The following TAOK3 variants were observed in gnomAD, a reference collection of about 807,000 sequenced individuals.
TAOK3 encodes the protein serine/threonine-protein kinase TAO3.
A neutral mutation model predicts 120.4 loss-of-function variants in TAOK3; 40 were observed. The observed-to-expected ratio is 0.33, with a 90% CI of 0.26 to 0.43. The LOEUF (loss-of-function observed/expected upper bound fraction) is 0.43, where lower values mean the gene tolerates loss of function less well. TAOK3 is among the 20% of genes least tolerant of loss of function. The probability of loss-of-function intolerance (pLI) is 1.00; values close to 1 mark genes in which losing one functional copy is unlikely to be tolerated. For synonymous variants in TAOK3, 355 were observed against 387.5 expected (o/e 0.92, Z 0.99); for missense variants, 821 against 1,112.1 (o/e 0.74, Z 3.72).
intron 1 of TAOK3, among the ~76,000 whole-genome samples, chr12:118,280,479 G>A (rs1186969010): frequency 2.0e-5 from 3 of 152,118 alleles, no homozygotes; most frequent in Non-Finnish European, 4.4e-5. Context: ...TGTTTCTGTC[G>A]ACTTGGTCAA....
intron 1 of TAOK3, among the ~76,000 whole-genome samples, chr12:118,277,338 TCATTTG>T: frequency 6.6e-6 from 1 of 152,164 alleles, no homozygotes; most frequent in South Asian, 2.1e-4. Context: ...TATTCTTTTC[TCATTTG>T]TCTAAGACAA....
intron 16 of TAOK3, among the ~76,000 whole-genome samples, chr12:118,173,069 C>A (rs1446787805): frequency 6.6e-6 from 1 of 152,124 alleles, no homozygotes; most frequent in African/African-American, 2.4e-5. Context: ...GTGATCACTG[C>A]TTTGAAGAGG....
At chr12:118,310,833 A>G (rs1823724992) in intron 1 of TAOK3, among the ~76,000 whole-genome samples, 1 of 152,226 alleles carries the variant, frequency 6.6e-6, no homozygotes, top group Admixed American at 6.5e-5. Context: ...TAAACCGTGT[A>G]GTGTAGATAG....
At chr12:118,186,000 C>G (rs1308138730) in intron 14 of TAOK3, among the ~76,000 whole-genome samples, 2 of 152,192 alleles carry the variant, frequency 1.3e-5, no homozygotes, top group Non-Finnish European at 2.9e-5. Flanking sequence ...GAAACAGTAG[C>G]ATTTACTGCT....
intron 1 of TAOK3, among the ~76,000 whole-genome samples, chr12:118,317,688 A>T (rs536120724): frequency 6.6e-6 from 1 of 152,216 alleles, no homozygotes; most frequent in East Asian, 1.9e-4. Flanking sequence ...TATGACTCCA[A>T]ACAATATACA....
chr12:118,336,407 A>T (rs1360120844), intron 1 of TAOK3, among the ~76,000 whole-genome samples: 2 of 152,218 alleles, frequency 1.3e-5, no homozygotes, highest in African/African-American at 4.8e-5. Flanking sequence ...TAGGCAAAAA[A>T]ATAAACCATG....
intron 1 of TAOK3, among the ~76,000 whole-genome samples, chr12:118,332,165 C>A (rs894259947): frequency 1.3e-5 from 2 of 152,154 alleles, no homozygotes; most frequent in Admixed American, 1.3e-4. Context: ...ATGAATAGGA[C>A]AGAAAATTAG....
chr12:118,243,971 G>A (rs2040366681), intron 4 of TAOK3, among the ~76,000 whole-genome samples: 2 of 151,742 alleles, frequency 1.3e-5, no homozygotes. Context: ...GAGACACTGT[G>A]CCCGGCCTAA....
At chr12:118,174,369 C>T (rs1299424619) in intron 16 of TAOK3, among the ~76,000 whole-genome samples, 1 of 148,292 alleles carries the variant, frequency 6.7e-6, no homozygotes, top group African/African-American at 2.5e-5. Flanking sequence ...CTCAAATTGG[C>T]TTCTGGCTTT....
intron 1 of TAOK3, among the ~76,000 whole-genome samples, chr12:118,325,196 A>G (rs143200147): frequency 7.6e-4 from 116 of 152,318 alleles, no homozygotes; most frequent in African/African-American, 2.7e-3. Flanking sequence ...GGGACTGCAA[A>G]TATCTCTCTG....
intron 15 of TAOK3, among the ~76,000 whole-genome samples, chr12:118,180,205 C>A (rs1314715593): frequency 3.3e-5 from 5 of 151,602 alleles, no homozygotes; most frequent in Admixed American, 6.6e-5. Flanking sequence ...ACCTCGGCCT[C>A]CCAAAGTGCT....
chr12:118,186,908 A>T (rs1357731111), intron 14 of TAOK3, among the ~76,000 whole-genome samples: 1 of 152,200 alleles, frequency 6.6e-6, no homozygotes, highest in Non-Finnish European at 1.5e-5. Flanking sequence ...AGCAATACAG[A>T]CCCAATGCCC....
At chr12:118,283,763 C>A in intron 1 of TAOK3, 1 of 204,518 alleles carries the variant, frequency 4.9e-6, no homozygotes, top group Non-Finnish European at 1.0e-5. Context: ...CAACAACAAA[C>A]AAACCAGACA....
intron 11 of TAOK3, among the ~76,000 whole-genome samples, chr12:118,202,043 ATTT>A (rs1461893472): frequency 1.3e-5 from 2 of 151,444 alleles, no homozygotes; most frequent in Non-Finnish European, 2.9e-5. Flanking sequence ...ATCATATGCT[ATTT>A]TTTTGTGTGT....
intron 3 of TAOK3, 74 bp downstream of exon 3, chr12:118,255,374 T>C: frequency 6.6e-7 from 1 of 1,523,904 alleles, no homozygotes; most frequent in Non-Finnish European, 9.0e-7. Flanking sequence ...ATTACAGGCG[T>C]GAGTCACTGT....
rs1251982738 is a variant in TAOK3 at position 118,221,270 on chromosome 12, C to G, written c.644-7160G>C. Among the ~76,000 whole-genome samples the G allele has an allele frequency of 4.6e-5, 7 of 152,014 alleles. 1 individual carries two copies. The highest frequency in any genetic ancestry group is 4.6e-4 in the Admixed American group (7 of 15,260). On this transcript the variant is annotated intron_variant, in intron 9 of 20. Coordinates refer to ENST00000392533, the MANE Select transcript of TAOK3 (RefSeq NM_016281.4). ...ACAGAGTCTCGCTCTGTAGCAAAGGCTGGAGTGAAGAGGCATGATCTGGGC... is the reference window on the plus strand; with the variant it reads ...ACAGAGTCTCGCTCTGTAGCAAAGGGTGGAGTGAAGAGGCATGATCTGGGC...
chr12:118,294,806 CTAGATT>C (rs1402120612), intron 1 of TAOK3, among the ~76,000 whole-genome samples: 1 of 152,104 alleles, frequency 6.6e-6, no homozygotes, highest in East Asian at 1.9e-4. Flanking sequence ...TGTGGACGGA[CTAGATT>C]TAGAGTTTGA....
At chr12:118,336,897 C>G (rs973153815) in intron 1 of TAOK3, among the ~76,000 whole-genome samples, 1 of 152,126 alleles carries the variant, frequency 6.6e-6, no homozygotes, top group Non-Finnish European at 1.5e-5. Flanking sequence ...CATGGCGAAA[C>G]CCTGTCTCTA....
chr12:118,223,933 C>G (rs2039378706), intron 9 of TAOK3, among the ~76,000 whole-genome samples: 1 of 152,164 alleles, frequency 6.6e-6, no homozygotes, highest in Non-Finnish European at 1.5e-5. Flanking sequence ...AGTGGCCAAG[C>G]CCAGCCCATA....
Sources: allele counts gnomAD v4.1 joint callset (sites outside exome capture counted in the v4.1 genomes callset), GRCh38; gene constraint gnomAD v4.1.1; transcripts MANE v1.5; gene names NCBI Gene and HGNC (gene_info 2026-07-23, HGNC 2026-07-21).